The following PLCE1 variants were observed in gnomAD, a reference collection of about 807,000 sequenced individuals.
PLCE1 encodes the protein phospholipase C epsilon 1, also known as 1-phosphatidylinositol 4,5-bisphosphate phosphodiesterase epsilon-1.
Under a neutral mutation model 242.8 loss-of-function variants are expected in PLCE1, and 119 were observed. The ratio of observed to expected loss-of-function variants is 0.49; its 90% CI spans 0.42 to 0.57. The LOEUF (loss-of-function observed/expected upper bound fraction) is 0.57. Ranked by LOEUF, PLCE1 falls within the 20% of genes least tolerant of loss-of-function variation. The probability of loss-of-function intolerance (pLI) is 0.00; values close to 1 mark genes in which losing one functional copy is unlikely to be tolerated. For missense variants in PLCE1, 2,441 were observed against 2,788.8 expected, an observed-to-expected ratio of 0.88 and a Z score of 2.81; for synonymous variants, 945 against 1,017.4, an observed-to-expected ratio of 0.93 and a Z score of 1.35.
intron 1 of PLCE1, among the ~76,000 whole-genome samples, chr10:93,994,935 T>G (rs2060792621): frequency 6.6e-6 from 1 of 152,236 alleles, no homozygotes; most frequent in Non-Finnish European, 1.5e-5. Flanking sequence ...TTAAGTAGGA[T>G]TCACGTCTTC....
Position 94,031,815 on chromosome 10 carries a change from G to C in PLCE1, c.769G>C (p.Asp257His). The change falls in exon 2 of 33, where the codon GAC (aspartate) becomes CAC (histidine). Residue 257 changes from aspartate to histidine, a missense_variant. Physicochemically the swap from Asp to His is moderately conservative, Grantham distance 81 (BLOSUM62 -1). This residue lies in a region of PLCE1 where 393 missense variants were observed against 378.5 expected (regional missense o/e 1.04). Transcript: ENST00000371380. ...KNEQLQCDHC[D>H]TLNDKYFCFE... ...TGAGCAGCTGCAGTGTGATCATTGT[G>C]ACACCTTGAATGATAAATACTTTTG... 6.2e-7 allele frequency: 1 copy of C among 1,613,812 alleles called. No homozygotes were observed. The highest frequency in any genetic ancestry group is 8.5e-7 in the Non-Finnish European group (1 of 1,179,848).
intron 4 of PLCE1, among the ~76,000 whole-genome samples, chr10:94,199,952 T>A (rs1008140672): frequency 2.6e-5 from 4 of 152,194 alleles, no homozygotes; most frequent in African/African-American, 9.7e-5. Flanking sequence ...GACAAAGCAC[T>A]AATTTCAACT....
At chr10:94,299,319 CTTAT>C (rs1407107554) in intron 24 of PLCE1, among the ~76,000 whole-genome samples, 1 of 152,172 alleles carries the variant, frequency 6.6e-6, no homozygotes, top group Non-Finnish European at 1.5e-5. Flanking sequence ...CCCCTATTAT[CTTAT>C]TTAATATTCA....
chr10:94,246,847 C>T (rs1462428056), intron 8 of PLCE1, among the ~76,000 whole-genome samples: 2 of 152,142 alleles, frequency 1.3e-5, no homozygotes, highest in Non-Finnish European at 1.5e-5. Context: ...GGCTGTGGCT[C>T]ACGCCTGTAA....
rs1479178440 is a variant in PLCE1, at chr10:94,254,186, C to T, written c.3280-4C>T. ...TGGAACCATCGTGAGCTTTGTGTTC[C>T]CAGGGTGAGAGTGGAGAGGTAACTG... On this transcript the variant is annotated splice_polypyrimidine_tract_variant and splice_region_variant and intron_variant, in intron 9 of 32. Transcript: ENST00000371380. The T allele has an allele frequency of 3.3e-5, 53 of 1,603,168 alleles. No homozygotes were observed. The highest frequency in any genetic ancestry group is 4.1e-5 in the Non-Finnish European group (48 of 1,170,302).
intron 19 of PLCE1, chr10:94,279,511 G>T (rs564701998): frequency 6.2e-6 from 3 of 486,692 alleles, no homozygotes; most frequent in African/African-American, 3.9e-5. Context: ...TGGAGGGGTT[G>T]TCCTGGGAAC....
rs557560167 is a variant in PLCE1 at position 94,171,380 on chromosome 10, A to T, written c.1693A>T (p.Thr565Ser). The change falls in exon 4 of 33, where the codon ACT (threonine) becomes TCT (serine). Residue 565 changes from threonine to serine, a missense_variant. Around this residue, in one of 5 missense-constraint regions of PLCE1, gnomAD observed 733 missense variants for 754.2 expected, o/e 0.97. Transcript: ENST00000371380. Reference sequence around the variant, plus strand: ...TTGCTTCTTAACACGGGACTTGGGCACTCCTGAATGCCAGAGCTCCTTGCC... The same window carrying T: ...TTGCTTCTTAACACGGGACTTGGGCTCTCCTGAATGCCAGAGCTCCTTGCC... ...YLCFLTRDLG[T>S]PECQSSLPCL... 2 of 1,614,048 alleles carry T rather than the reference A, an allele frequency of 1.2e-6. No homozygotes were observed. Among genetic ancestry groups the T allele is most frequent in the Non-Finnish European group, 1.7e-6 (2 of 1,179,998 alleles).
At chr10:94,257,334 C>A (rs2051134697) in intron 11 of PLCE1, among the ~76,000 whole-genome samples, 1 of 150,332 alleles carries the variant, frequency 6.7e-6, no homozygotes, top group African/African-American at 2.4e-5. Flanking sequence ...TGAAATATTT[C>A]AAAAAAAACT....
chr10:94,262,690 A>G lies in PLCE1; in HGVS notation c.4011A>G (p.Gln1337=). ...TCAACGATTTCCTCGTGAATTGCCA[A>G]GGAGAACACTGCACTTATGATGAAA... ...LQLNDFLVNC[Q]GEHCTYDEIL... The change falls in exon 14 of 33, where the codon CAA becomes CAG. Residue 1337 remains glutamine (Q), a synonymous_variant. Transcript: ENST00000371380. 6.2e-7 allele frequency: 1 copy of G among 1,614,030 alleles called. No homozygotes were observed. The highest frequency in any genetic ancestry group is 1.7e-4 in the Middle Eastern group (1 of 6,060).
At chr10:94,053,509 C>T (rs1278057710) in intron 2 of PLCE1, among the ~76,000 whole-genome samples, 1 of 152,206 alleles carries the variant, frequency 6.6e-6, no homozygotes, top group East Asian at 1.9e-4. Flanking sequence ...GGTTGCCCCT[C>T]CTAGATTGTA....
Position 94,259,111 on chromosome 10 carries a change from A to T in PLCE1, c.3775A>T (p.Thr1259Ser). Residue 1259 changes from threonine (T) to serine (S), a missense_variant, in exon 13 of 33, where the codon ACA (threonine) becomes TCA (serine). Thr to Ser is a moderately conservative substitution (Grantham distance 58). Transcript: ENST00000371380. ...SESAPLYTNLTIDENTSDLQP... is the reference protein window; with the variant it reads ...SESAPLYTNLSIDENTSDLQP... ...GTCAGCCCCACTCTACACCAACCTG[A>T]CAATTGATGAAAACACCAGCGATCT... The T allele has an allele frequency of 6.2e-7, 1 of 1,614,048 alleles. No individual in the cohort carries two copies. Among genetic ancestry groups the T allele is most frequent in the Non-Finnish European group, 8.5e-7 (1 of 1,179,972 alleles).
chr10:94,032,841 CTTCT>C (rs1475469049), intron 2 of PLCE1, among the ~76,000 whole-genome samples: 1 of 151,898 alleles, frequency 6.6e-6, no homozygotes, highest in Non-Finnish European at 1.5e-5. Context: ...AATTTAGGTG[CTTCT>C]TTATTAATAC....
chr10:94,280,505 A>G (rs572067389), intron 20 of PLCE1: 10 of 154,090 alleles, frequency 6.5e-5, no homozygotes, highest in African/African-American at 2.4e-4. Flanking sequence ...TTACTAGCGA[A>G]GGATTCTTCT....
rs2054136732 is a variant in PLCE1 at position 94,329,798 on chromosome 10, A to AAC, written c.*1856_*1857insCA. The AAC allele has an allele frequency of 6.6e-6, 1 of 150,486 alleles. No individual in the cohort carries two copies. The highest frequency in any genetic ancestry group is 2.4e-5 in the African/African-American group (1 of 41,010). 9.3% of individuals were successfully genotyped at this position (150,486 alleles called of 1,614,324 possible). Reference sequence around the variant, plus strand: ...TCTCAAAAAAAAAAAAAAAAAAAAAAAAAAAAAAAAAAACACCATACAGCT... The same window carrying AAC: ...TCTCAAAAAAAAAAAAAAAAAAAAAAACAAAAAAAAAAAAACACCATACAGCT... On this transcript the variant is annotated 3_prime_UTR_variant, in exon 33 of 33. Transcript: ENST00000371380.
chr10:94,010,172 G>A (rs929001727), intron 1 of PLCE1, among the ~76,000 whole-genome samples: 11 of 152,168 alleles, frequency 7.2e-5, no homozygotes, highest in African/African-American at 1.9e-4. Flanking sequence ...ACTTAACACC[G>A]CATGGAAGCC....
intron 1 of PLCE1, among the ~76,000 whole-genome samples, chr10:93,998,710 G>A (rs925122656): frequency 6.6e-6 from 1 of 152,204 alleles, no homozygotes; most frequent in African/African-American, 2.4e-5. Flanking sequence ...TTCCCAGTCT[G>A]CAGTGTTAGG....
chr10:94,266,963 A>T (rs934299082), intron 16 of PLCE1, among the ~76,000 whole-genome samples: 4 of 152,224 alleles, frequency 2.6e-5, no homozygotes, highest in Non-Finnish European at 5.9e-5. Context: ...CACTGAGATG[A>T]GGAAGCCAGA....
At chr10:94,063,143 C>T (rs560823526) in intron 2 of PLCE1, among the ~76,000 whole-genome samples, 5 of 152,332 alleles carry the variant, frequency 3.3e-5, no homozygotes, top group Admixed American at 6.5e-5. Flanking sequence ...CTATGCTATG[C>T]GCAAGCTCTG....
chr10:94,265,060 A>G (rs1376303354), intron 14 of PLCE1, among the ~76,000 whole-genome samples: 8 of 152,254 alleles, frequency 5.3e-5, no homozygotes, highest in Non-Finnish European at 1.0e-4. Flanking sequence ...CATAGTAACC[A>G]GCAATAGCTG....
Sources: gnomAD v4.1 joint callset for allele counts (sites outside exome capture counted in the v4.1 genomes callset) on GRCh38, gnomAD v4.1.1 for gene constraint, gnomAD v4.1.1 regional missense constraint, MANE v1.5 for transcripts, NCBI Gene and HGNC (gene_info 2026-07-23, HGNC 2026-07-21) for gene names.